NRG1: variants seen among roughly 807,000 people sequenced by gnomAD.
NRG1 encodes pro-neuregulin-1, membrane-bound isoform.
In NRG1, 18 loss-of-function variants were observed where a neutral mutation model predicts 63.8. The observed-to-expected ratio is 0.28, with a 90% CI of 0.19 to 0.42. The LOEUF (loss-of-function observed/expected upper bound fraction) is 0.42. Ranked by LOEUF, NRG1 falls within the 10% of genes least tolerant of loss-of-function variation. The pLI, the probability that NRG1 is intolerant of heterozygous loss-of-function variation, is 1.00. For missense variants in NRG1, 762 were observed against 814.7 expected (o/e 0.94, Z 0.79); for synonymous variants, 302 against 301.3 (o/e 1.00, Z -0.02).
At chr8:32,068,337 A>G (rs1365418169) in intron 1 of NRG1, among the ~76,000 whole-genome samples, 1 of 152,198 alleles carries the variant, frequency 6.6e-6, no homozygotes, top group East Asian at 1.9e-4. Flanking sequence ...CAGTGGTCAT[A>G]AGGTGAAGAA....
intron 1 of NRG1, among the ~76,000 whole-genome samples, chr8:32,563,127 G>C (rs1302554492): frequency 6.6e-6 from 1 of 152,046 alleles, no homozygotes; most frequent in African/African-American, 2.4e-5. Context: ...GCTTTTTTGT[G>C]ATTATTTTTT....
chr8:32,393,596 G>C (rs972688386), intron 1 of NRG1, among the ~76,000 whole-genome samples: 1 of 152,160 alleles, frequency 6.6e-6, no homozygotes, highest in African/African-American at 2.4e-5. Flanking sequence ...CATGGATGGA[G>C]CTGGAGGCCA....
chr8:32,398,336 A>C (rs1203380141), intron 1 of NRG1, among the ~76,000 whole-genome samples: 1 of 150,814 alleles, frequency 6.6e-6, no homozygotes, highest in East Asian at 1.9e-4. Flanking sequence ...CTGGCTGAGC[A>C]CTCTGTTTTT....
chr8:32,766,082 G>A (rs1831408291), exon 12 of NRG1: 1 of 152,182 alleles, frequency 6.6e-6, no homozygotes, highest in Non-Finnish European at 1.5e-5. Flanking sequence ...GTCAGTGAGA[G>A]TAATTGCTTC....
intron 6 of NRG1, among the ~76,000 whole-genome samples, chr8:32,737,403 T>C (rs1825337316): frequency 6.6e-6 from 1 of 151,784 alleles, no homozygotes; most frequent in Non-Finnish European, 1.5e-5. Flanking sequence ...ATACAAAAAT[T>C]AGCTGGGCAT....
intron 1 of NRG1, among the ~76,000 whole-genome samples, chr8:31,793,614 G>A (rs1267816338): frequency 6.6e-6 from 1 of 152,190 alleles, no homozygotes; most frequent in East Asian, 1.9e-4. Context: ...TCTATTGCAA[G>A]CAATCTAAAT....
chr8:31,992,905 CT>C (rs949135273), intron 1 of NRG1, among the ~76,000 whole-genome samples: 51 of 152,000 alleles, frequency 3.4e-4, no homozygotes, highest in Non-Finnish European at 6.8e-4. Flanking sequence ...AGTGGGCTCT[CT>C]TCCAAAAAAA....
intron 1 of NRG1, among the ~76,000 whole-genome samples, chr8:32,360,843 A>C (rs1807110126): frequency 6.6e-6 from 1 of 152,148 alleles, no homozygotes; most frequent in Non-Finnish European, 1.5e-5. Flanking sequence ...CCAATTACAG[A>C]TGGTTAGGAG....
chr8:31,721,319 G>A (rs1299111624), intron 1 of NRG1, among the ~76,000 whole-genome samples: 1 of 152,098 alleles, frequency 6.6e-6, no homozygotes, highest in East Asian at 1.9e-4. Flanking sequence ...GGGTACATTT[G>A]CTGCTGCATT....
intron 1 of NRG1, among the ~76,000 whole-genome samples, chr8:31,735,493 T>C (rs1327881812): frequency 6.6e-6 from 1 of 152,160 alleles, no homozygotes; most frequent in Admixed American, 6.6e-5. Context: ...TACAATATGA[T>C]TATACATGTG....
At chr8:32,504,694 T>G (rs571096363) in intron 1 of NRG1, among the ~76,000 whole-genome samples, 2 of 152,296 alleles carry the variant, frequency 1.3e-5, no homozygotes, top group South Asian at 4.1e-4. Flanking sequence ...ACTCACAAAT[T>G]TATATGAGCT....
At chr8:32,606,139 CATATGTATTAT>C (rs1344003471) in intron 3 of NRG1, among the ~76,000 whole-genome samples, 3 of 147,942 alleles carry the variant, frequency 2.0e-5, no homozygotes, top group East Asian at 2.0e-4. Flanking sequence ...GTATATATAA[CATATGTATTAT>C]ATATGTATTA....
chr8:31,799,527 C>T (rs183455400), intron 1 of NRG1, among the ~76,000 whole-genome samples: 257 of 152,166 alleles, frequency 1.7e-3, no homozygotes, highest in Middle Eastern at 3.4e-3. Flanking sequence ...ATGATTCCAA[C>T]CAGTTAACAT....
intron 1 of NRG1, among the ~76,000 whole-genome samples, chr8:32,409,485 T>C (rs1237097579): frequency 6.6e-6 from 1 of 152,090 alleles, no homozygotes; most frequent in African/African-American, 2.4e-5. Flanking sequence ...ACAGGATGGG[T>C]GAAAATACTT....
At chr8:32,592,001 A>C (rs1209236900) in intron 1 of NRG1, among the ~76,000 whole-genome samples, 1 of 152,118 alleles carries the variant, frequency 6.6e-6, no homozygotes, top group Non-Finnish European at 1.5e-5. Context: ...GCACACACAG[A>C]CACACATACA....
chr8:32,696,038 C>A (rs150443635), intron 5 of NRG1, among the ~76,000 whole-genome samples: 1 of 152,270 alleles, frequency 6.6e-6, no homozygotes, highest in African/African-American at 2.4e-5. Flanking sequence ...AGAGTGTTTG[C>A]CAGTTTTCCA....
intron 1 of NRG1, among the ~76,000 whole-genome samples, chr8:32,057,381 A>AT (rs1476759470): frequency 2.6e-4 from 40 of 152,262 alleles, no homozygotes; most frequent in African/African-American, 8.9e-4. Flanking sequence ...TGAGTTCTGC[A>AT]TGTTTGAACT....
chr8:31,855,659 T>C (rs1056394086), intron 1 of NRG1, among the ~76,000 whole-genome samples: 8 of 152,218 alleles, frequency 5.3e-5, no homozygotes, highest in African/African-American at 1.7e-4. Flanking sequence ...GTCCTTATGA[T>C]GTTAGCTGGT....
At chr8:32,090,496 T>C (rs113383261) in intron 1 of NRG1, among the ~76,000 whole-genome samples, 4,948 of 152,132 alleles carry the variant, frequency 0.033, 219 homozygotes, top group African/African-American at 0.1. Context: ...AATTTTTGTA[T>C]TTTTAGTAGA....
Sources: gnomAD v4.1 joint callset for allele counts (sites outside exome capture counted in the v4.1 genomes callset) on GRCh38, gnomAD v4.1.1 for gene constraint, MANE v1.5 for transcripts, NCBI Gene and HGNC (gene_info 2026-07-23, HGNC 2026-07-21) for gene names.